Variants in CCDC88A observed in about 807,000 individuals in gnomAD.
CCDC88A encodes the protein girdin.
In CCDC88A, 54 loss-of-function variants were observed where a neutral mutation model predicts 234.3. That is an observed-to-expected ratio of 0.23 (90% CI 0.19 to 0.29). CCDC88A has a LOEUF of 0.29. Ranked by LOEUF, CCDC88A falls within the 10% of genes least tolerant of loss-of-function variation. CCDC88A has a pLI of 1.00. For missense variants in CCDC88A, 1,832 were observed against 2,123.4 expected (o/e 0.86, Z 2.70); for synonymous variants, 753 against 737.8 (o/e 1.02, Z -0.33).
chr2:55,354,594 C>T (rs929342567), intron 8 of CCDC88A, among the ~76,000 whole-genome samples: 6 of 151,644 alleles, frequency 4.0e-5, no homozygotes, highest in African/African-American at 9.7e-5. Flanking sequence ...GACAGAGTCT[C>T]GCTCTGTCAC....
At chr2:55,362,648 GAATT>G (rs1671471404) in intron 6 of CCDC88A, among the ~76,000 whole-genome samples, 200 bp from the exon 7 acceptor site, 1 of 151,752 alleles carries the variant, frequency 6.6e-6, no homozygotes, top group African/African-American at 2.4e-5. Context: ...AACCTTAAAT[GAATT>G]AATATTCATT....
rs1289506576 is a variant in CCDC88A at position 55,318,939 on chromosome 2, G to A, written c.3228C>T (p.Asn1076=). ...KTQLKQLETQ[N]NNLQAQILAL... ...CAAGAATCTGAGCCTGCAAATTATTGTTCTGTGTCTCAAGTTGCTTCAGTT... is the reference window on the plus strand; with the variant it reads ...CAAGAATCTGAGCCTGCAAATTATTATTCTGTGTCTCAAGTTGCTTCAGTT... The change falls in exon 19 of 33, where the codon AAC becomes AAT. Residue 1076 remains asparagine (N), a synonymous_variant. Coordinates refer to ENST00000436346, the MANE Select transcript of CCDC88A (RefSeq NM_001365480.1). The A allele has an allele frequency of 2.5e-6, 4 of 1,613,348 alleles. No homozygotes were observed. Among genetic ancestry groups the A allele is most frequent in the Non-Finnish European group, 3.4e-6 (4 of 1,179,612 alleles).
chr2:55,294,566 CCTA>C, intron 31 of CCDC88A: 1 of 983,454 alleles, frequency 1.0e-6, no homozygotes. Context: ...TTACATTTTC[CCTA>C]CTGATACTGT....
In CCDC88A at chr2:55,349,571, A is replaced by C; in HGVS notation, c.829T>G (p.Cys277Gly). 1 of 1,613,062 alleles carries C rather than the reference A, an allele frequency of 6.2e-7. No homozygotes were observed. Among genetic ancestry groups the C allele is most frequent in the Non-Finnish European group, 8.5e-7 (1 of 1,179,558 alleles). The stretch of plus-strand genomic sequence containing the variant: ...TCCATTTGCTCAAGTTCTTGTTTAC[A>C]ATCCAACAACTGCTCAGTCTTTTCC... ...LEEKTEQLLD[C>G]KQELEQMEIE... Residue 277 changes from cysteine to glycine, a missense_variant, in exon 9 of 33, where the codon TGT (cysteine) becomes GGT (glycine). By Grantham distance (159) the Cys-to-Gly change is radical. This residue lies in a region of CCDC88A where 1,282 missense variants were observed against 1,543.6 expected (regional missense o/e 0.83). Transcript: ENST00000436346.
chr2:55,375,858 T>TA (rs1008841747), intron 3 of CCDC88A, among the ~76,000 whole-genome samples: 2 of 152,106 alleles, frequency 1.3e-5, no homozygotes, highest in Admixed American at 6.6e-5. Flanking sequence ...AAGAGAGCTA[T>TA]ATTTTTAAAA....
At chr2:55,358,773 C>T (rs1189061086) in intron 7 of CCDC88A, among the ~76,000 whole-genome samples, 1 of 148,668 alleles carries the variant, frequency 6.7e-6, no homozygotes, top group Non-Finnish European at 1.5e-5. Flanking sequence ...TTTCTTCAAC[C>T]CAGGGAAAAA....
intron 4 of CCDC88A, 30 bp downstream of exon 4, chr2:55,374,784 T>C: frequency 1.4e-6 from 2 of 1,389,544 alleles, no homozygotes; most frequent in Non-Finnish European, 1.0e-6. Context: ...AGGTTAGACA[T>C]TACTTTCACA....
chr2:55,297,374 T>A (rs1167533355), intron 29 of CCDC88A, among the ~76,000 whole-genome samples: 3 of 102,422 alleles, frequency 2.9e-5, no homozygotes, highest in Non-Finnish European at 5.2e-5. Context: ...TAATATATAT[T>A]ATATATAAAT....
chr2:55,337,077 C>G lies in CCDC88A; in HGVS notation c.1519-259G>C, dbSNP rs13390100. 10,927 of 269,900 alleles carry G rather than the reference C, an allele frequency of 0.04. 1,028 individuals carry two copies. The highest frequency in any genetic ancestry group is 0.21 in the African/African-American group (9,364 of 44,152). 16.7% of individuals were successfully genotyped at this position (269,900 alleles called of 1,614,324 possible). A position where few individuals can be genotyped will look rare whatever the true frequency, so the allele number is the denominator to read the frequency against. ...TCTAAACACAAAGACAAATCCAGCT[C>G]AATAAATGATAATATGCTATATGAG... is the stretch of plus-strand genomic sequence containing the variant. On this transcript the variant is annotated intron_variant, in intron 13 of 32. Transcript: ENST00000436346.
In CCDC88A at chr2:55,388,798, G is replaced by T; in HGVS notation, c.253C>A (p.Gln85Lys). The T allele has an allele frequency of 6.8e-7, 1 of 1,475,464 alleles. No homozygotes were observed. Among genetic ancestry groups the T allele is most frequent in the Non-Finnish European group, 9.3e-7 (1 of 1,074,098 alleles). The allele number at this position is 1,475,464 out of a possible 1,614,324, so 91.4% of individuals were successfully genotyped here. Reference sequence around the variant, plus strand: ...CTTACCTGGTAATAAAATTTTATCTGTCTCACCAAAATGGATAGATTGTGC... The same window carrying T: ...CTTACCTGGTAATAAAATTTTATCTTTCTCACCAAAATGGATAGATTGTGC... ...RMHNLSILVRQIKFYYQETLQ... is the reference protein window; with the variant it reads ...RMHNLSILVRKIKFYYQETLQ... The change falls in exon 3 of 33, where the codon CAG (glutamine) becomes AAG (lysine). Residue 85 changes from glutamine (Q) to lysine (K), a missense_variant. Physicochemically the swap from Gln to Lys is moderately conservative, Grantham distance 53. Coordinates refer to ENST00000436346, the MANE Select transcript of CCDC88A (RefSeq NM_001365480.1).
rs1679323785 is a variant in CCDC88A, at chr2:55,289,812, T to TA, written c.*1387dup. On this transcript the variant is annotated 3_prime_UTR_variant, in exon 33 of 33. Transcript: ENST00000436346. Reference sequence around the variant, plus strand: ...GAGAGAGAGAGAGAGAGACTTTTCTTATGGTTACTGGGTTAGTGATGAAAC... The same window carrying TA: ...GAGAGAGAGAGAGAGAGACTTTTCTTAATGGTTACTGGGTTAGTGATGAAAC... 6.6e-6 allele frequency: 1 copy of TA among 151,974 alleles called. No homozygotes were observed. Among genetic ancestry groups the TA allele is most frequent in the Non-Finnish European group, 1.5e-5 (1 of 67,932 alleles). The allele number at this position is 151,974 out of a possible 1,614,324, so 9.4% of individuals were successfully genotyped here. A position where few individuals can be genotyped will look rare whatever the true frequency, so the allele number is the denominator to read the frequency against.
chr2:55,302,907 G>A, intron 26 of CCDC88A, 162 bp downstream of exon 26: 2 of 558,538 alleles, frequency 3.6e-6, no homozygotes, highest in East Asian at 2.9e-5. Flanking sequence ...TGCAAATTCA[G>A]TGCCACTTGA....
chr2:55,411,828 A>G (rs1461238425), intron 2 of CCDC88A, among the ~76,000 whole-genome samples: 4 of 150,812 alleles, frequency 2.7e-5, no homozygotes, highest in Non-Finnish European at 4.4e-5. Context: ...CAGGAAAGTT[A>G]TTGGAAACCA....
intron 2 of CCDC88A, chr2:55,404,165 T>G (rs1413622410): frequency 1.3e-5 from 2 of 152,206 alleles, no homozygotes; most frequent in African/African-American, 4.8e-5. Context: ...TATCACTTTC[T>G]CTTTTGAGAT....
intron 2 of CCDC88A, among the ~76,000 whole-genome samples, 165 bp from the exon 3 acceptor site, chr2:55,389,051 C>T (rs576766942): frequency 3.9e-5 from 6 of 152,172 alleles, no homozygotes; most frequent in East Asian, 1.9e-4. Flanking sequence ...ACATGTATTC[C>T]GTGCTTCTAA....
rs546804415 is a variant in CCDC88A, at chr2:55,287,910, C to T, written c.*3290G>A. On this transcript the variant is annotated 3_prime_UTR_variant, in exon 33 of 33. Coordinates refer to ENST00000436346, the MANE Select transcript of CCDC88A (RefSeq NM_001365480.1). ...GTTTGATACGTGAATGTTAGTCCAA[C>T]TTAATTTTTGAAGGAGAAACAAAAT... 2.5e-4 allele frequency: 38 copies of T among 152,658 alleles called. 2 individuals are homozygous for T. The East Asian group carries it at 7.1e-3, about 29-fold the overall frequency. 9.5% of individuals were successfully genotyped at this position (152,658 alleles called of 1,614,324 possible).
chr2:55,346,270 G>T lies in CCDC88A; in HGVS notation c.946C>A (p.Arg316=). ...RMYRDELDAL[R]EKAVRVDKLE... is the part of the protein sequence containing the mutation. The stretch of plus-strand genomic sequence containing the variant: ...TTATCGACTCTGACTGCTTTCTCTC[G>T]AAGTGCATCTAATTCATCTCGGTAC... Residue 316 remains arginine (R), a synonymous_variant, in exon 10 of 33, where the codon CGA becomes AGA. Coordinates refer to ENST00000436346, the MANE Select transcript of CCDC88A (RefSeq NM_001365480.1). The T allele has an allele frequency of 6.2e-7, 1 of 1,611,368 alleles. No individual in the cohort carries two copies. The highest frequency in any genetic ancestry group is 8.5e-7 in the Non-Finnish European group (1 of 1,178,046).
At chr2:55,375,957 T>C (rs1673605309) in intron 3 of CCDC88A, among the ~76,000 whole-genome samples, 1 of 152,228 alleles carries the variant, frequency 6.6e-6, no homozygotes, top group Non-Finnish European at 1.5e-5. Flanking sequence ...TCCTCCTCAG[T>C]GAAACATTAT....
Position 55,418,873 on chromosome 2 carries a change from A to C in CCDC88A, c.107T>G (p.Leu36Arg). 6.2e-7 allele frequency: 1 copy of C among 1,614,204 alleles called. No individual in the cohort carries two copies. The highest frequency in any genetic ancestry group is 8.5e-7 in the Non-Finnish European group (1 of 1,180,026). ...ATCCACCAAAGCCACATATTCATCA[A>C]GGTTGGTCCCATTTCCTGCGGCCAG... The part of the protein sequence containing the change: ...GPLAAGNGTN[L>R]DEYVALVDGV... Residue 36 changes from leucine to arginine, a missense_variant, in exon 2 of 33, where the codon CTT (leucine) becomes CGT (arginine). Transcript: ENST00000436346.
Sources: allele counts gnomAD v4.1 joint callset (sites outside exome capture counted in the v4.1 genomes callset), GRCh38; gene constraint gnomAD v4.1.1; regional missense constraint gnomAD v4.1.1; transcripts MANE v1.5; gene names NCBI Gene and HGNC (gene_info 2026-07-23, HGNC 2026-07-21).